ERI3: variants seen among roughly 807,000 people sequenced by gnomAD.
The protein encoded by ERI3 is ERI1 exoribonuclease 3.
Under a neutral mutation model 44.4 loss-of-function variants are expected in ERI3, and 18 were observed. The ratio of observed to expected loss-of-function variants is 0.41; its 90% CI spans 0.28 to 0.60. ERI3 has a LOEUF of 0.60. ERI3 is among the 20% of genes least tolerant of loss of function. The probability of loss-of-function intolerance (pLI) is 0.36; values close to 1 mark genes in which losing one functional copy is unlikely to be tolerated. For synonymous variants in ERI3, 183 were observed against 164.8 expected, an observed-to-expected ratio of 1.11 and a Z score of -0.84; for missense variants, 294 against 435.5, an observed-to-expected ratio of 0.68 and a Z score of 2.89.
At chr1:44,261,666 A>G (rs1416577040) in intron 7 of ERI3, among the ~76,000 whole-genome samples, 2 of 152,242 alleles carry the variant, frequency 1.3e-5, no homozygotes, top group African/African-American at 2.4e-5. Context: ...TCCGTCCCCA[A>G]AGAGAAAGAA....
intron 3 of ERI3, among the ~76,000 whole-genome samples, chr1:44,338,000 A>C (rs898511365): frequency 6.6e-6 from 1 of 152,234 alleles, no homozygotes; most frequent in Non-Finnish European, 1.5e-5. Flanking sequence ...GAACTGCTAC[A>C]TCAGCCCCCA....
intron 2 of ERI3, among the ~76,000 whole-genome samples, chr1:44,344,330 A>T (rs1418370110): frequency 6.6e-6 from 1 of 152,224 alleles, no homozygotes; most frequent in Admixed American, 6.5e-5. Context: ...AAAATTAAAA[A>T]TATCACACAG....
At chr1:44,238,357 C>T (rs1474454929) in intron 8 of ERI3, among the ~76,000 whole-genome samples, 1 of 152,082 alleles carries the variant, frequency 6.6e-6, no homozygotes, top group Non-Finnish European at 1.5e-5. Flanking sequence ...TCGCAGGCTG[C>T]AGTGATAATC....
chr1:44,271,733 T>A (rs898519273), intron 7 of ERI3, among the ~76,000 whole-genome samples: 4 of 152,212 alleles, frequency 2.6e-5, no homozygotes, highest in Non-Finnish European at 1.5e-5. Context: ...AAACCAAGGT[T>A]CAGAGAAGGT....
At chr1:44,305,596 T>C (rs1372399677) in intron 6 of ERI3, among the ~76,000 whole-genome samples, 1 of 152,228 alleles carries the variant, frequency 6.6e-6, no homozygotes, top group Non-Finnish European at 1.5e-5. Flanking sequence ...AATCAACTCA[T>C]CTGGCTTTGA....
At chr1:44,315,123 A>T (rs569378741) in intron 4 of ERI3, among the ~76,000 whole-genome samples, 1 of 152,192 alleles carries the variant, frequency 6.6e-6, no homozygotes, top group Admixed American at 6.5e-5. Context: ...CATCCTGGAA[A>T]AGGCGGACCA....
chr1:44,230,492 G>A (rs537493910), intron 8 of ERI3: 6 of 152,346 alleles, frequency 3.9e-5, no homozygotes, highest in Admixed American at 1.3e-4. Flanking sequence ...TCAATAGGAA[G>A]GTGTCAGGGC....
intron 7 of ERI3, among the ~76,000 whole-genome samples, chr1:44,283,581 C>A (rs1011380857): frequency 6.6e-6 from 1 of 152,264 alleles, no homozygotes; most frequent in Middle Eastern, 3.4e-3. Flanking sequence ...TTTTTCAGCA[C>A]AAGAGGAGTA....
At chr1:44,341,375 T>G (rs550806131) in intron 2 of ERI3, among the ~76,000 whole-genome samples, 2 of 152,358 alleles carry the variant, frequency 1.3e-5, no homozygotes, top group South Asian at 4.1e-4. Context: ...ACTACTATCC[T>G]ATTGGGCTAT....
At chr1:44,291,826 C>G (rs998483738) in intron 6 of ERI3, among the ~76,000 whole-genome samples, 1 of 152,208 alleles carries the variant, frequency 6.6e-6, no homozygotes, top group Non-Finnish European at 1.5e-5. Flanking sequence ...CCAGTGACCT[C>G]GCCTACTGCA....
intron 6 of ERI3, among the ~76,000 whole-genome samples, chr1:44,295,103 T>C (rs1326783241): frequency 6.6e-6 from 1 of 152,160 alleles, no homozygotes; most frequent in African/African-American, 2.4e-5. Context: ...TGGGCGGGCA[T>C]TAGAATAGGC....
intron 7 of ERI3, among the ~76,000 whole-genome samples, chr1:44,264,689 A>T (rs1644956532): frequency 6.6e-6 from 1 of 152,126 alleles, no homozygotes; most frequent in Non-Finnish European, 1.5e-5. Context: ...CAGTACAAGG[A>T]AGGGGGGGCA....
intron 1 of ERI3, chr1:44,353,630 A>G (rs1308238692): frequency 5.1e-6 from 5 of 985,308 alleles, no homozygotes; most frequent in Non-Finnish European, 3.6e-6. Flanking sequence ...AATTTACCCC[A>G]CCACAAAGAA....
intron 8 of ERI3, among the ~76,000 whole-genome samples, chr1:44,224,635 G>A (rs917496563): frequency 6.6e-6 from 1 of 152,188 alleles, no homozygotes; most frequent in Non-Finnish European, 1.5e-5. Flanking sequence ...TGAAGAAAAG[G>A]CAAGGAAGCT....
intron 8 of ERI3, among the ~76,000 whole-genome samples, chr1:44,246,506 TG>T (rs996472657): frequency 2.0e-5 from 3 of 152,240 alleles, no homozygotes; most frequent in African/African-American, 7.2e-5. Flanking sequence ...CCAGGCCTGT[TG>T]GTCACTTCCT....
intron 4 of ERI3, among the ~76,000 whole-genome samples, chr1:44,315,128 G>A (rs1249415602): frequency 5.3e-5 from 8 of 152,164 alleles, no homozygotes; most frequent in Admixed American, 1.3e-4. Flanking sequence ...TGGAAAAGGC[G>A]GACCACAGCC....
intron 3 of ERI3, among the ~76,000 whole-genome samples, chr1:44,325,483 A>T (rs1646293431): frequency 6.6e-6 from 1 of 152,236 alleles, no homozygotes; most frequent in Non-Finnish European, 1.5e-5. Context: ...CACGATCAGT[A>T]GATTACAAGA....
chr1:44,331,918 C>A (rs1191982133), intron 3 of ERI3, among the ~76,000 whole-genome samples: 1 of 152,164 alleles, frequency 6.6e-6, no homozygotes, highest in Admixed American at 6.5e-5. Flanking sequence ...ATCCTTTGTG[C>A]CCCCACTGTA....
chr1:44,243,124 C>T (rs541999715), intron 8 of ERI3, among the ~76,000 whole-genome samples: 1 of 152,252 alleles, frequency 6.6e-6, no homozygotes. Context: ...CCACTGCCCC[C>T]CTGGGGCCCA....
Sources: allele counts gnomAD v4.1 joint callset (sites outside exome capture counted in the v4.1 genomes callset), GRCh38; gene constraint gnomAD v4.1.1; transcripts MANE v1.5; gene names NCBI Gene and HGNC (gene_info 2026-07-23, HGNC 2026-07-21).